PCDHGA6: variants seen among roughly 807,000 people sequenced by gnomAD.
PCDHGA6 encodes protocadherin gamma-A6.
PCDHGA6 carries 41 observed loss-of-function variants against 60.6 expected under a neutral mutation model. That is an observed-to-expected ratio of 0.68 (90% CI 0.53 to 0.88). PCDHGA6 has a LOEUF of 0.88. Ranked by LOEUF, PCDHGA6 falls within the 40% of genes least tolerant of loss-of-function variation. The probability of loss-of-function intolerance (pLI) is 0.00; values close to 1 mark genes in which losing one functional copy is unlikely to be tolerated. For synonymous variants in PCDHGA6, 594 were observed against 524.4 expected, an observed-to-expected ratio of 1.13 and a Z score of -1.81; for missense variants, 1,312 against 1,203.0, an observed-to-expected ratio of 1.09 and a Z score of -1.34.
intron 1 of PCDHGA6, chr5:141,426,680 T>C (rs1261836011): frequency 2.3e-6 from 1 of 431,334 alleles, no homozygotes; most frequent in East Asian, 7.2e-5. Flanking sequence ...CACCTCATTT[T>C]CCCCAAAATA....
At chr5:141,387,526 G>A (rs186607627) in intron 1 of PCDHGA6, among the ~76,000 whole-genome samples, 58 of 152,324 alleles carry the variant, frequency 3.8e-4, no homozygotes, top group African/African-American at 1.3e-3. Context: ...ATATACAGAC[G>A]TATCCACGTA....
chr5:141,415,110 C>G (rs1490074484), intron 1 of PCDHGA6: 2 of 1,613,548 alleles, frequency 1.2e-6, no homozygotes, highest in East Asian at 2.2e-5. Flanking sequence ...TCAAGCAAAG[C>G]CTCGTAGTGG....
At chr5:141,482,790 G>A (rs2099572686) in intron 1 of PCDHGA6, among the ~76,000 whole-genome samples, 1 of 128,870 alleles carries the variant, frequency 7.8e-6, no homozygotes, top group African/African-American at 3.5e-5. Context: ...CTGTGTGTGT[G>A]GCCGGGTACG....
rs1770186580 is a variant in PCDHGA6, at chr5:141,374,142, TG to T, written c.63del (p.Thr22ArgfsTer24). On this transcript the variant is annotated frameshift_variant, in exon 1 of 4. Coordinates refer to ENST00000517434, the MANE Select transcript of PCDHGA6 (RefSeq NM_018919.3). LOFTEE classifies it high-confidence loss of function. Reference sequence around the variant, plus strand: ...GAGCAGGTCCTGCTCCTCACGCTCCTGGGGACGCTGTGGGGGGCCGCGGCAG... The same window carrying T: ...GAGCAGGTCCTGCTCCTCACGCTCCTGGGACGCTGTGGGGGGCCGCGGCAG... ...RSEQVLLLTL[L>X]GTLWGAAAAQ... 1 of 1,610,196 alleles carries T rather than the reference TG, an allele frequency of 6.2e-7. No homozygotes were observed. Among genetic ancestry groups the T allele is most frequent in the Non-Finnish European group, 8.5e-7 (1 of 1,177,720 alleles).
Position 141,491,307 on chromosome 5 carries a change from C to CCTTA in PCDHGA6, c.2425-3498_2425-3495dup. On this transcript the variant is annotated intron_variant, in intron 1 of 3. Transcript: ENST00000517434. The surrounding 1 kb of genome is among the most constrained non-coding windows in gnomAD (Gnocchi z 6.9). ...TCATACACCCTCCTGAGCGTTCAGA[C>CCTTA]CTTACCCTTTACCTCATTGTGGCTC... 1 of 1,614,152 alleles carries CCTTA rather than the reference C, an allele frequency of 6.2e-7. No individual in the cohort carries two copies. Among genetic ancestry groups the CCTTA allele is most frequent in the Non-Finnish European group, 8.5e-7 (1 of 1,179,986 alleles).
At chr5:141,443,790 T>A (rs1178101439) in intron 1 of PCDHGA6, among the ~76,000 whole-genome samples, 2 of 151,832 alleles carry the variant, frequency 1.3e-5, no homozygotes, top group Admixed American at 6.6e-5. Flanking sequence ...ACAAAAAAAA[T>A]GAAAAGGAAA....
intron 1 of PCDHGA6, chr5:141,388,696 AGG>A (rs1404425662): frequency 1.2e-6 from 2 of 1,613,882 alleles, no homozygotes; most frequent in Non-Finnish European, 1.7e-6. Flanking sequence ...GACCAGGATG[AGG>A]GTGTCAATGC....
At chr5:141,430,595 G>C (rs549786394) in intron 1 of PCDHGA6, 1 of 567,016 alleles carries the variant, frequency 1.8e-6, no homozygotes. Flanking sequence ...CCTTGCACGC[G>C]CCTGAAGCAC....
At chr5:141,394,739 C>G (rs377359689) in intron 1 of PCDHGA6, 1 of 1,613,390 alleles carries the variant, frequency 6.2e-7, no homozygotes, top group Non-Finnish European at 8.5e-7. Context: ...AGCAGAGCCT[C>G]GTGGTGGCCG....
intron 1 of PCDHGA6, chr5:141,424,504 G>GT (rs892941709): frequency 6.6e-6 from 1 of 152,016 alleles, no homozygotes; most frequent in African/African-American, 2.4e-5. Context: ...TGTATGGAAG[G>GT]TTTTTTAATG....
chr5:141,485,601 G>T lies in PCDHGA6; in HGVS notation c.2425-9206G>T, dbSNP rs762783104. On this transcript the variant is annotated intron_variant, in intron 1 of 3. Transcript: ENST00000517434. The surrounding 1 kb of genome is among the most constrained non-coding windows in gnomAD (Gnocchi z 5.7). ...CGGCAGCAGCTGGACTTGGAAATTG[G>T]GGAGGCAGCTCCTCCAGGACAGCGT... The T allele has an allele frequency of 3.1e-6, 5 of 1,612,290 alleles. No individual in the cohort carries two copies. Among genetic ancestry groups the T allele is most frequent in the Non-Finnish European group, 4.2e-6 (5 of 1,178,722 alleles).
intron 1 of PCDHGA6, chr5:141,395,043 G>A: frequency 6.2e-7 from 1 of 1,614,150 alleles, no homozygotes. Flanking sequence ...TGTGGGTGTT[G>A]AGGAGGTACA....
At position 141,431,260 on chromosome 5, in the gene PCDHGA6, G is replaced by A. The variant is rs762250032; in HGVS notation, c.2424+54753G>A. The A allele has an allele frequency of 6.2e-7, 1 of 1,614,170 alleles. No individual in the cohort carries two copies. The highest frequency in any genetic ancestry group is 2.2e-5 in the East Asian group (1 of 44,892). On this transcript the variant is annotated intron_variant, in intron 1 of 3. Coordinates refer to ENST00000517434, the MANE Select transcript of PCDHGA6 (RefSeq NM_018919.3). The surrounding 1 kb of genome is among the most constrained non-coding windows in gnomAD (Gnocchi z 4.8). The stretch of plus-strand genomic sequence containing the variant: ...ATCCGGATATCGGGAAGAACTCTCT[G>A]CAGAGCTACGAGCTCAGCCCGAACA...
At chr5:141,510,335 AC>A (rs1247622083) in intron 3 of PCDHGA6, among the ~76,000 whole-genome samples, 1 of 149,138 alleles carries the variant, frequency 6.7e-6, no homozygotes, top group African/African-American at 2.5e-5. Context: ...CTTCACCCCC[AC>A]CCCACACACT....
At chr5:141,503,502 G>A (rs750139098) in intron 2 of PCDHGA6, among the ~76,000 whole-genome samples, 5 of 151,828 alleles carry the variant, frequency 3.3e-5, no homozygotes, top group Admixed American at 2.0e-4. Context: ...AAGAGGCTGA[G>A]GCAGGAGAAT....
intron 3 of PCDHGA6, 111 bp from the exon 4 acceptor site, chr5:141,510,836 G>C: frequency 6.3e-7 from 1 of 1,584,882 alleles, no homozygotes; most frequent in African/African-American, 1.3e-5. Flanking sequence ...TGCTCAGCGT[G>C]GTCAAGGCCC....
intron 3 of PCDHGA6, 67 bp from the exon 4 acceptor site, chr5:141,510,880 G>A (rs373993657): frequency 1.9e-6 from 3 of 1,611,784 alleles, no homozygotes; most frequent in Admixed American, 3.3e-5. Context: ...AACTGCTGGG[G>A]ATATAAGACA....
Position 141,410,849 on chromosome 5 carries a change from C to CTTTTTTTTT in PCDHGA6, c.2424+34356_2424+34364dup, listed in dbSNP as rs759346998. 1.7e-3 allele frequency: 239 copies of CTTTTTTTTT among 138,144 alleles called. 16 individuals are homozygous for CTTTTTTTTT. Among genetic ancestry groups the CTTTTTTTTT allele is most frequent in the African/African-American group, 4.5e-3 (75 of 16,616 alleles). 8.6% of individuals were successfully genotyped at this position (138,144 alleles called of 1,614,324 possible). On this transcript the variant is annotated intron_variant, in intron 1 of 3. Coordinates refer to ENST00000517434, the MANE Select transcript of PCDHGA6 (RefSeq NM_018919.3). ...CAGACTGAAGATATTTTGTCTTTGT[C>CTTTTTTTTT]TTTTTTTTTTTTTTTTTTTTTTGAG...
intron 1 of PCDHGA6, chr5:141,388,753 T>C: frequency 6.2e-7 from 1 of 1,613,986 alleles, no homozygotes; most frequent in Non-Finnish European, 8.5e-7. Flanking sequence ...ATCACCCAAT[T>C]TGACCTGAAC....
Sources: gnomAD v4.1 joint callset for allele counts (sites outside exome capture counted in the v4.1 genomes callset) on GRCh38, gnomAD v4.1.1 for gene constraint, Gnocchi (gnomAD v3.1) non-coding constraint, MANE v1.5 for transcripts, NCBI Gene and HGNC (gene_info 2026-07-23, HGNC 2026-07-21) for gene names.